Variants in FMNL2 observed in about 807,000 individuals in gnomAD.
FMNL2 encodes formin-like protein 2.
In FMNL2, 51 loss-of-function variants were observed where a neutral mutation model predicts 130.2. The ratio of observed to expected loss-of-function variants is 0.39; its 90% CI spans 0.31 to 0.49. The LOEUF (loss-of-function observed/expected upper bound fraction) is 0.49, where lower values mean the gene tolerates loss of function less well. Among genes scored for constraint, FMNL2 ranks in the 20% least tolerant of loss-of-function variants. The pLI, the probability that FMNL2 is intolerant of heterozygous loss-of-function variation, is 0.85. For synonymous variants in FMNL2, 465 were observed against 467.1 expected (o/e 1.00, Z 0.06); for missense variants, 977 against 1,316.2 (o/e 0.74, Z 3.99).
intron 3 of FMNL2, among the ~76,000 whole-genome samples, 184 bp from the exon 4 acceptor site, chr2:152,548,837 A>G (rs1422234990): frequency 6.6e-6 from 1 of 152,168 alleles, no homozygotes; most frequent in Non-Finnish European, 1.5e-5. Context: ...GACTTTTTGT[A>G]GTCCTTTCTC....
chr2:152,420,198 G>T (rs1409891276), intron 1 of FMNL2, among the ~76,000 whole-genome samples: 1 of 152,142 alleles, frequency 6.6e-6, no homozygotes, highest in Non-Finnish European at 1.5e-5. Context: ...TTAAAAGAGA[G>T]TAGTGACACA....
chr2:152,599,125 A>T lies in FMNL2; in HGVS notation c.877-8214A>T, dbSNP rs558252201. On this transcript the variant is annotated intron_variant, in intron 9 of 25. Transcript: ENST00000288670. ...CTCAGTGGATTGGAGACGCCCAGCC[A>T]CATTGGAGAGGGACGTCTTCTTTAC... Among the ~76,000 whole-genome samples, 7 of 152,352 alleles carry T rather than the reference A, an allele frequency of 4.6e-5. No homozygotes were observed. The East Asian group carries it at 1.3e-3, about 29-fold the overall frequency.
At chr2:152,415,278 A>G (rs1686548188) in intron 1 of FMNL2, among the ~76,000 whole-genome samples, 1 of 152,124 alleles carries the variant, frequency 6.6e-6, no homozygotes, top group Non-Finnish European at 1.5e-5. Context: ...CGGAGACAGC[A>G]TGGTCTATAC....
intron 1 of FMNL2, among the ~76,000 whole-genome samples, chr2:152,491,811 C>T (rs566920258): frequency 1.5e-4 from 23 of 152,052 alleles, no homozygotes; most frequent in African/African-American, 5.5e-4. Context: ...ATTAGCCTGG[C>T]GTGGTGGCGT....
intron 4 of FMNL2, among the ~76,000 whole-genome samples, chr2:152,549,813 C>A (rs1034543807): frequency 6.6e-6 from 1 of 152,124 alleles, no homozygotes; most frequent in Non-Finnish European, 1.5e-5. Flanking sequence ...ATCAGGTATC[C>A]TATTTTGTAG....
rs903141632 is a variant in FMNL2 at position 152,621,064 on chromosome 2, C to T, written c.1837+1346C>T. On this transcript the variant is annotated intron_variant, in intron 15 of 25. Coordinates refer to ENST00000288670, the MANE Select transcript of FMNL2 (RefSeq NM_052905.4). ...AAACAAGAAACCTCATATCAAGCCC[C>T]GGGAATGTGTTCCATCACCAGGCTG... The T allele has an allele frequency of 1.8e-5, 18 of 985,250 alleles. No homozygotes were observed. The East Asian group carries it at 5.7e-4, about 31-fold the overall frequency. The allele number at this position is 985,250 out of a possible 1,614,324, so 61.0% of individuals were successfully genotyped here. A position where few individuals can be genotyped will look rare whatever the true frequency, so the allele number is the denominator to read the frequency against.
intron 2 of FMNL2, among the ~76,000 whole-genome samples, chr2:152,538,537 C>T (rs1400932293): frequency 6.6e-6 from 1 of 152,194 alleles, no homozygotes; most frequent in Admixed American, 6.5e-5. Context: ...GCCTCAGCCT[C>T]CCAAAGTGCT....
At chr2:152,341,756 G>C (rs551310071) in intron 1 of FMNL2, among the ~76,000 whole-genome samples, 1 of 152,230 alleles carries the variant, frequency 6.6e-6, no homozygotes, top group Non-Finnish European at 1.5e-5. Flanking sequence ...GGAAATGTGT[G>C]TAGGGGTGTT....
intron 10 of FMNL2, among the ~76,000 whole-genome samples, chr2:152,608,678 C>T (rs1698521723): frequency 6.6e-6 from 1 of 151,962 alleles, no homozygotes; most frequent in Non-Finnish European, 1.5e-5. Flanking sequence ...AAGGCTGATG[C>T]TGGCCCTGGT....
At chr2:152,537,543 T>C (rs896252719) in intron 2 of FMNL2, among the ~76,000 whole-genome samples, 12 of 152,238 alleles carry the variant, frequency 7.9e-5, no homozygotes, top group Admixed American at 3.3e-4. Context: ...TTATGTCTAC[T>C]GAACCTGCTG....
At chr2:152,350,923 T>G (rs1682444659) in intron 1 of FMNL2, among the ~76,000 whole-genome samples, 1 of 152,082 alleles carries the variant, frequency 6.6e-6, no homozygotes, top group African/African-American at 2.4e-5. Context: ...CGCGCACTTG[T>G]AGTCCCAGCT....
intron 9 of FMNL2, among the ~76,000 whole-genome samples, chr2:152,604,884 C>G (rs1362868138): frequency 1.3e-5 from 2 of 152,144 alleles, no homozygotes; most frequent in African/African-American, 4.8e-5. Context: ...GCGAGAACCA[C>G]CGTGCCCAGC....
intron 25 of FMNL2, among the ~76,000 whole-genome samples, chr2:152,646,167 A>AAAC (rs3080633): frequency 0.18 from 27,555 of 150,192 alleles, 3,380 homozygotes; most frequent in Non-Finnish European, 0.28. Flanking sequence ...CAAAAAAAAA[A>AAAC]AAACAAACAA....
chr2:152,517,691 A>G (rs1692851605), intron 1 of FMNL2, among the ~76,000 whole-genome samples: 1 of 152,226 alleles, frequency 6.6e-6, no homozygotes, highest in African/African-American at 2.4e-5. Flanking sequence ...TTTAGCTAGG[A>G]ACTTGTACAA....
chr2:152,563,441 G>A (rs1695644841), intron 6 of FMNL2, among the ~76,000 whole-genome samples: 1 of 151,980 alleles, frequency 6.6e-6, no homozygotes, highest in Non-Finnish European at 1.5e-5. Context: ...TTTTTGTTTT[G>A]TTTTTTAAAC....
At chr2:152,544,283 C>A (rs1322692425) in intron 3 of FMNL2, among the ~76,000 whole-genome samples, 2 of 152,102 alleles carry the variant, frequency 1.3e-5, no homozygotes, top group African/African-American at 4.8e-5. Flanking sequence ...TGGCAGGCAC[C>A]TGTAATCCCA....
intron 1 of FMNL2, among the ~76,000 whole-genome samples, chr2:152,494,561 A>C (rs548195618): frequency 9.2e-5 from 14 of 152,204 alleles, no homozygotes; most frequent in Non-Finnish European, 2.9e-5. Context: ...ATAAACTGCT[A>C]CGAGTTTCTC....
intron 2 of FMNL2, among the ~76,000 whole-genome samples, chr2:152,541,331 T>C (rs1050503631): frequency 6.6e-6 from 1 of 152,176 alleles, no homozygotes; most frequent in Non-Finnish European, 1.5e-5. Flanking sequence ...TAATTTTTTG[T>C]ATTTTTTGTA....
At chr2:152,526,550 C>T (rs1693396112) in intron 2 of FMNL2, among the ~76,000 whole-genome samples, 1 of 152,192 alleles carries the variant, frequency 6.6e-6, no homozygotes, top group South Asian at 2.1e-4. Flanking sequence ...TCCTTCTCCT[C>T]CCTTCCTTCT....
Sources: allele counts gnomAD v4.1 joint callset (sites outside exome capture counted in the v4.1 genomes callset), GRCh38; gene constraint gnomAD v4.1.1; transcripts MANE v1.5; gene names NCBI Gene and HGNC (gene_info 2026-07-23, HGNC 2026-07-21).